Variants in SPAG17 observed in about 807,000 individuals in gnomAD.
SPAG17 encodes the protein sperm associated antigen 17, also known as sperm-associated antigen 17.
In SPAG17, 169 loss-of-function variants were observed where a neutral mutation model predicts 273.6. The ratio of observed to expected loss-of-function variants is 0.62; its 90% CI spans 0.55 to 0.70. The LOEUF is 0.70. SPAG17 is among the 30% of genes least tolerant of loss of function. The pLI is 0.00. For missense variants in SPAG17, 2,557 were observed against 2,627.8 expected, an observed-to-expected ratio of 0.97 and a Z score of 0.59; for synonymous variants, 825 against 873.2, an observed-to-expected ratio of 0.94 and a Z score of 0.97.
In SPAG17 at chr1:118,081,512, C is replaced by T; in HGVS notation, c.1893G>A (p.Met631Ile). ...CAGGGTTGTCCCACGGTATGTTGAA[C>T]ATTTCAGAATCTGACCCACACATCA... The part of the protein sequence containing the change: ...SGMMCGSDSE[M>I]FNIPWDNPAR... Residue 631 changes from methionine to isoleucine, a missense_variant, in exon 14 of 49, where the codon ATG (methionine) becomes ATA (isoleucine). Transcript: ENST00000336338. 1 of 1,613,858 alleles carries T rather than the reference C, an allele frequency of 6.2e-7. No homozygotes were observed. The highest frequency in any genetic ancestry group is 1.1e-5 in the South Asian group (1 of 91,070).
rs1657017054 is a variant in SPAG17 at position 118,115,449 on chromosome 1, G to T, written c.316-8C>A. ...TTTTGCTGCCGTTAACACCTATACA[G>T]AAACACAATTATTAGAAAAAGTGAT... is the stretch of plus-strand genomic sequence containing the variant. On this transcript the variant is annotated splice_polypyrimidine_tract_variant and splice_region_variant and intron_variant, in intron 3 of 48. Transcript: ENST00000336338. 8 of 1,601,036 alleles carry T rather than the reference G, an allele frequency of 5.0e-6. No homozygotes were observed. The highest frequency in any genetic ancestry group is 6.8e-6 in the Non-Finnish European group (8 of 1,175,544).
chr1:117,996,062 C>T (rs1350708915), intron 34 of SPAG17, among the ~76,000 whole-genome samples: 1 of 152,034 alleles, frequency 6.6e-6, no homozygotes. Context: ...GAAATGAACT[C>T]ATAAATCAGA....
At chr1:118,105,421 G>A (rs1237612367) in intron 4 of SPAG17, among the ~76,000 whole-genome samples, 1 of 152,098 alleles carries the variant, frequency 6.6e-6, no homozygotes, top group Non-Finnish European at 1.5e-5. Flanking sequence ...AGCTGCTCAG[G>A]AATAGAAATG....
rs71670818 is a variant in SPAG17 at position 118,041,837 on chromosome 1, G to T, written c.3020C>A (p.Ser1007Tyr). 3 of 1,613,570 alleles carry T rather than the reference G, an allele frequency of 1.9e-6. No homozygotes were observed. The highest frequency in any genetic ancestry group is 2.5e-6 in the Non-Finnish European group (3 of 1,179,798). The part of the protein sequence containing the change: ...QVKIQEVTEE[S>Y]PHQPEPKITY... ...TATCTTAGGTTCTGGTTGGTGGGGG[G>T]ACTCTTCTGTTACTTCTTGGATCTT... is the stretch of plus-strand genomic sequence containing the variant. Residue 1007 changes from serine to tyrosine, a missense_variant, in exon 21 of 49, where the codon TCC (serine) becomes TAC (tyrosine). Ser to Tyr is a moderately radical substitution (Grantham distance 144). Coordinates refer to ENST00000336338, the MANE Select transcript of SPAG17 (RefSeq NM_206996.4).
rs764124289 is a variant in SPAG17 at position 117,966,873 on chromosome 1, T to G, written c.6388-120A>C. 6 of 819,050 alleles carry G rather than the reference T, an allele frequency of 7.3e-6. No individual in the cohort carries two copies. The East Asian group carries it at 1.7e-4, about 23-fold the overall frequency. The allele number at this position is 819,050 out of a possible 1,614,324, so 50.7% of individuals were successfully genotyped here. On this transcript the variant is annotated intron_variant, in intron 46 of 48. Coordinates refer to ENST00000336338, the MANE Select transcript of SPAG17 (RefSeq NM_206996.4). ...ACCTTTGGTTTCTTCATCTATAAAT[T>G]TGGCACTAACAAATGGTAGTTATTA...
rs139343615 is a variant in SPAG17, at chr1:118,086,969, G to A, written c.1399C>T (p.Arg467Trp). 3.2e-5 allele frequency: 51 copies of A among 1,582,980 alleles called. No individual in the cohort carries two copies. In the African/African-American group the frequency reaches 3.4e-4, roughly 11 times the overall value. ...CCGTCTGCTCTGGGGGATGGCTCCC[G>A]CAGACTGGGTGGGACGAGATCTTCT... ...TEEDLVPPSL[R>W]EPSPRADGLD... Residue 467 changes from arginine to tryptophan, a missense_variant, in exon 11 of 49, where the codon CGG becomes TGG. Physicochemically the swap from Arg to Trp is moderately radical, Grantham distance 101. Coordinates refer to ENST00000336338, the MANE Select transcript of SPAG17 (RefSeq NM_206996.4).
At chr1:117,980,994 G>C (rs1655738390) in intron 43 of SPAG17, among the ~76,000 whole-genome samples, 1 of 152,128 alleles carries the variant, frequency 6.6e-6, no homozygotes, top group South Asian at 2.1e-4. Context: ...AACTAAAAGG[G>C]ATAAAATTAG....
intron 35 of SPAG17, among the ~76,000 whole-genome samples, chr1:117,993,477 A>G (rs1657324932): frequency 1.3e-5 from 2 of 152,218 alleles, no homozygotes. Flanking sequence ...TCAGAGAAGG[A>G]AATGGAGACC....
intron 8 of SPAG17, among the ~76,000 whole-genome samples, 187 bp from the exon 9 acceptor site, chr1:118,092,189 G>T (rs41310092): frequency 0.015 from 2,217 of 152,214 alleles, 22 homozygotes; most frequent in South Asian, 0.033. Flanking sequence ...GAAGGTAATG[G>T]TATAGACATT....
chr1:118,128,538 C>A (rs1463875779), intron 3 of SPAG17, among the ~76,000 whole-genome samples: 1 of 152,162 alleles, frequency 6.6e-6, no homozygotes, highest in Admixed American at 6.5e-5. Flanking sequence ...AGGCTGGCAG[C>A]CACCTCCATT....
intron 3 of SPAG17, among the ~76,000 whole-genome samples, chr1:118,148,552 C>G (rs891382136): frequency 1.3e-5 from 2 of 152,098 alleles, no homozygotes; most frequent in Non-Finnish European, 2.9e-5. Flanking sequence ...CCCATTTTTA[C>G]AGAATGCTGA....
intron 2 of SPAG17, 72 bp downstream of exon 2, chr1:118,151,157 T>C (rs1659354667): frequency 2.4e-6 from 3 of 1,251,430 alleles, no homozygotes; most frequent in Non-Finnish European, 3.1e-6. Flanking sequence ...TGATAGTTTA[T>C]TTTATAATTC....
chr1:117,960,109 C>CGTGTGTGTAT (rs557563970), intron 48 of SPAG17: 66 of 144,500 alleles, frequency 4.6e-4, no homozygotes, highest in African/African-American at 1.5e-3. Context: ...TTAATACACT[C>CGTGTGTGTAT]GTGTGTGTGT....
chr1:118,140,876 C>T (rs1658643426), intron 3 of SPAG17, among the ~76,000 whole-genome samples: 1 of 152,314 alleles, frequency 6.6e-6, no homozygotes, highest in East Asian at 1.9e-4. Flanking sequence ...CAAGGACTCA[C>T]CAGCCAGCAG....
intron 42 of SPAG17, among the ~76,000 whole-genome samples, chr1:117,981,703 T>G (rs1015489792): frequency 2.6e-5 from 4 of 152,230 alleles, no homozygotes; most frequent in Admixed American, 6.5e-5. Flanking sequence ...TGTTGTGTTA[T>G]GTAGAAGAGG....
rs571951093 is a variant in SPAG17 at position 118,060,600 on chromosome 1, A to G, written c.2541-4686T>C. ...ATTAGAGTATCCTGAATTTGACTGT[A>G]TACTTGCCTTTGCCTGTAAGTTTTA... On this transcript the variant is annotated intron_variant, in intron 18 of 48. Transcript: ENST00000336338. Among the ~76,000 whole-genome samples, 3 of 152,330 alleles carry G rather than the reference A, an allele frequency of 2.0e-5. No individual in the cohort carries two copies. In the South Asian group the frequency reaches 6.2e-4, roughly 32 times the overall value.
At chr1:117,969,657 C>T (rs754590522) in intron 46 of SPAG17, among the ~76,000 whole-genome samples, 1 of 151,986 alleles carries the variant, frequency 6.6e-6, no homozygotes, top group Non-Finnish European at 1.5e-5. Flanking sequence ...CTGACAAATA[C>T]CAAGAGAGCA....
chr1:118,090,173 T>C (rs141963396), intron 10 of SPAG17, among the ~76,000 whole-genome samples: 262 of 152,326 alleles, frequency 1.7e-3, no homozygotes, highest in African/African-American at 6.0e-3. Context: ...AGTTAACATA[T>C]TGAAAGCATT....
intron 43 of SPAG17, among the ~76,000 whole-genome samples, chr1:117,976,000 A>C (rs1288627162): frequency 2.6e-5 from 4 of 152,210 alleles, no homozygotes; most frequent in Non-Finnish European, 4.4e-5. Flanking sequence ...CCTGTGATGT[A>C]TATAGCATTA....
Sources: allele counts gnomAD v4.1 joint callset (sites outside exome capture counted in the v4.1 genomes callset), GRCh38; gene constraint gnomAD v4.1.1; transcripts MANE v1.5; gene names NCBI Gene and HGNC (gene_info 2026-07-23, HGNC 2026-07-21).